Variants in ADAM12 observed in about 807,000 individuals in gnomAD.
The protein encoded by ADAM12 is ADAM metallopeptidase domain 12.
Under a neutral mutation model 106.4 loss-of-function variants are expected in ADAM12, and 70 were observed. The observed-to-expected ratio is 0.66, with a 90% CI of 0.54 to 0.80. ADAM12 has a LOEUF of 0.80. Among genes scored for constraint, ADAM12 ranks in the 30% least tolerant of loss-of-function variants. The pLI is 0.00. For synonymous variants in ADAM12, 420 were observed against 433.5 expected, an observed-to-expected ratio of 0.97 and a Z score of 0.39; for missense variants, 1,010 against 1,171.9, an observed-to-expected ratio of 0.86 and a Z score of 2.02.
chr10:126,119,768 T>G (rs1956051439), intron 5 of ADAM12, among the ~76,000 whole-genome samples: 2 of 152,218 alleles, frequency 1.3e-5, no homozygotes, highest in African/African-American at 4.8e-5. Context: ...AGCTCACAGC[T>G]AAGGCCACAT....
chr10:126,282,697 T>C (rs1255781538), intron 2 of ADAM12, among the ~76,000 whole-genome samples: 1 of 152,200 alleles, frequency 6.6e-6, no homozygotes, highest in Non-Finnish European at 1.5e-5. Flanking sequence ...AAACAATGTG[T>C]AAGTCCTTTC....
At chr10:126,157,232 G>T (rs1488292793) in intron 3 of ADAM12, among the ~76,000 whole-genome samples, 2 of 152,222 alleles carry the variant, frequency 1.3e-5, no homozygotes, top group Non-Finnish European at 2.9e-5. Context: ...AGAGAACAAA[G>T]CTGTCACCCT....
At chr10:126,051,668 T>TCCAG (rs1171688733) in intron 14 of ADAM12, among the ~76,000 whole-genome samples, 6 of 151,418 alleles carry the variant, frequency 4.0e-5, no homozygotes, top group African/African-American at 7.3e-5. Context: ...CACCCATCCA[T>TCCAG]CCAGCCAGCC....
chr10:126,276,479 A>G (rs1225177920), intron 3 of ADAM12, among the ~76,000 whole-genome samples: 1 of 152,180 alleles, frequency 6.6e-6, no homozygotes, highest in Non-Finnish European at 1.5e-5. Flanking sequence ...TGTTTTTAGT[A>G]TTCATTGCGT....
At chr10:126,311,347 A>G (rs1273884779) in intron 2 of ADAM12, among the ~76,000 whole-genome samples, 1 of 152,160 alleles carries the variant, frequency 6.6e-6, no homozygotes, top group East Asian at 1.9e-4. Context: ...TCTCCAAAAA[A>G]CAATTATAAA....
At chr10:126,190,198 CT>C (rs36118604) in intron 3 of ADAM12, among the ~76,000 whole-genome samples, 32,493 of 138,284 alleles carry the variant, frequency 0.23, 4,124 homozygotes, top group East Asian at 0.44. Context: ...CCAATTCACT[CT>C]TTTTTTTTTT....
intron 3 of ADAM12, among the ~76,000 whole-genome samples, chr10:126,225,053 C>T (rs1359413549): frequency 3.3e-5 from 5 of 152,334 alleles, no homozygotes; most frequent in African/African-American, 7.2e-5. Flanking sequence ...GGGGCACCCC[C>T]GAAGAGGGCG....
At chr10:126,098,249 T>C (rs960311950) in intron 10 of ADAM12, among the ~76,000 whole-genome samples, 167 bp downstream of exon 10, 1 of 152,248 alleles carries the variant, frequency 6.6e-6, no homozygotes, top group Non-Finnish European at 1.5e-5. Flanking sequence ...AAATGGTTCC[T>C]AAAACACTGT....
intron 2 of ADAM12, among the ~76,000 whole-genome samples, chr10:126,280,959 A>C (rs1475450781): frequency 1.3e-5 from 2 of 152,194 alleles, no homozygotes; most frequent in East Asian, 3.8e-4. Context: ...ACATGCCAAG[A>C]AACATGCACC....
At chr10:126,121,395 A>T (rs1173103567) in intron 5 of ADAM12, among the ~76,000 whole-genome samples, 2 of 129,148 alleles carry the variant, frequency 1.5e-5, no homozygotes, top group Non-Finnish European at 3.1e-5. Context: ...TATGCAATAT[A>T]TAATATATTG....
chr10:126,329,218 C>T (rs1463381983), intron 2 of ADAM12, among the ~76,000 whole-genome samples: 2 of 152,036 alleles, frequency 1.3e-5, no homozygotes, highest in East Asian at 3.9e-4. Context: ...CAAATTTAAC[C>T]AGGCATTCTG....
chr10:126,355,980 C>G (rs1008909562), intron 1 of ADAM12, among the ~76,000 whole-genome samples: 3 of 152,140 alleles, frequency 2.0e-5, no homozygotes, highest in Non-Finnish European at 4.4e-5. Context: ...TACTTGAAGG[C>G]TCCACCTGGG....
At chr10:126,157,008 C>G (rs571795320) in intron 3 of ADAM12, among the ~76,000 whole-genome samples, 7 of 146,092 alleles carry the variant, frequency 4.8e-5, no homozygotes, top group African/African-American at 1.5e-4. Flanking sequence ...CTCTTCACAC[C>G]GTTTGGTTTT....
At chr10:126,362,666 C>T (rs1372699515) in intron 1 of ADAM12, among the ~76,000 whole-genome samples, 1 of 152,060 alleles carries the variant, frequency 6.6e-6, no homozygotes, top group Non-Finnish European at 1.5e-5. Flanking sequence ...GGAGATCATA[C>T]TAAGTGAAAT....
At chr10:126,259,124 A>C (rs1455865062) in intron 3 of ADAM12, among the ~76,000 whole-genome samples, 1 of 152,126 alleles carries the variant, frequency 6.6e-6, no homozygotes, top group Non-Finnish European at 1.5e-5. Flanking sequence ...AATTCCTAAA[A>C]CAACAGTAGG....
intron 3 of ADAM12, among the ~76,000 whole-genome samples, chr10:126,171,423 C>A (rs1023416093): frequency 1.3e-5 from 2 of 152,114 alleles, no homozygotes; most frequent in African/African-American, 4.8e-5. Context: ...TTGATTGAAG[C>A]AGTAATTCAT....
chr10:126,183,619 T>G (rs1379351111), intron 3 of ADAM12, among the ~76,000 whole-genome samples: 1 of 152,182 alleles, frequency 6.6e-6, no homozygotes, highest in African/African-American at 2.4e-5. Flanking sequence ...AAAATAAAAT[T>G]CTTAATTCAT....
intron 19 of ADAM12, among the ~76,000 whole-genome samples, chr10:126,038,785 ATTG>A (rs1373577343): frequency 6.6e-6 from 1 of 152,106 alleles, no homozygotes; most frequent in Non-Finnish European, 1.5e-5. Context: ...TAAGCAGCAC[ATTG>A]TTGTTTGAAG....
intron 21 of ADAM12, among the ~76,000 whole-genome samples, chr10:126,028,452 G>A (rs992811127): frequency 1.3e-5 from 2 of 152,052 alleles, no homozygotes; most frequent in Non-Finnish European, 1.5e-5. Flanking sequence ...GCATGGTACT[G>A]ATACAGACAC....
Sources: allele counts gnomAD v4.1 joint callset (sites outside exome capture counted in the v4.1 genomes callset), GRCh38; gene constraint gnomAD v4.1.1; transcripts MANE v1.5; gene names NCBI Gene and HGNC (gene_info 2026-07-23, HGNC 2026-07-21).